The following HNRNPA2B1 variants were observed in gnomAD, a reference collection of about 807,000 sequenced individuals.
HNRNPA2B1 encodes heterogeneous nuclear ribonucleoprotein A2/B1.
A neutral mutation model predicts 46.3 loss-of-function variants in HNRNPA2B1; 3 were observed. The ratio of observed to expected loss-of-function variants is 0.06; its 90% CI spans 0.03 to 0.17. HNRNPA2B1 has a LOEUF of 0.17. Ranked by LOEUF, HNRNPA2B1 falls within the 10% of genes least tolerant of loss-of-function variation. HNRNPA2B1 has a pLI of 1.00. For synonymous variants in HNRNPA2B1, 225 were observed against 133.8 expected (o/e 1.68, Z -4.70); for missense variants, 221 against 418.9 (o/e 0.53, Z 4.12).
At chr7:26,194,264 C>T (rs983251263) in intron 7 of HNRNPA2B1, among the ~76,000 whole-genome samples, 1 of 152,026 alleles carries the variant, frequency 6.6e-6, no homozygotes, top group Non-Finnish European at 1.5e-5. Flanking sequence ...GACATGGTGG[C>T]AGCAACCTGT....
chr7:26,194,321 G>A (rs902898459), intron 7 of HNRNPA2B1, among the ~76,000 whole-genome samples: 10 of 151,868 alleles, frequency 6.6e-5, no homozygotes, highest in African/African-American at 2.2e-4. Flanking sequence ...GCGTGAACCC[G>A]GGAGGCAGAG....
rs1489912120 is a variant in HNRNPA2B1 at position 26,197,309 on chromosome 7, G to C, written c.264+6C>G. The C allele has an allele frequency of 1.9e-6, 3 of 1,604,456 alleles. No homozygotes were observed. The highest frequency in any genetic ancestry group is 1.3e-5 in the African/African-American group (1 of 74,528). ...TTAATGCACAAGACAGTCATTGTTTGCTTACCTCTCTTGCTACAGCACGTT... is the reference window on the plus strand; with the variant it reads ...TTAATGCACAAGACAGTCATTGTTTCCTTACCTCTCTTGCTACAGCACGTT... On this transcript the variant is annotated splice_donor_region_variant and intron_variant, in intron 3 of 10. Coordinates refer to ENST00000618183, the MANE Select transcript of HNRNPA2B1 (RefSeq NM_002137.4).
intron 5 of HNRNPA2B1, 32 bp downstream of exon 5, chr7:26,196,525 C>CA: frequency 6.2e-7 from 1 of 1,612,370 alleles, no homozygotes; most frequent in African/African-American, 1.3e-5. Context: ...TATATATGAA[C>CA]AAAAATAAAG....
At chr7:26,193,171 TATG>T in intron 9 of HNRNPA2B1, 77 bp downstream of exon 9, 1 of 1,369,108 alleles carries the variant, frequency 7.3e-7, no homozygotes, top group Non-Finnish European at 1.0e-6. Context: ...AACTACTTAG[TATG>T]TTATCTTCCC....
intron 1 of HNRNPA2B1, 123 bp downstream of exon 1, chr7:26,200,448 CA>C (rs1381660689): frequency 2.2e-6 from 2 of 930,172 alleles, no homozygotes; most frequent in East Asian, 4.8e-5. Context: ...CCTTAAGCCC[CA>C]CTGCTACTGA....
intron 1 of HNRNPA2B1, chr7:26,198,657 T>C (rs1182106488): frequency 1.3e-5 from 2 of 152,270 alleles, no homozygotes; most frequent in East Asian, 1.9e-4. Context: ...CTTTATATGC[T>C]GTACTACACA....
Position 26,195,922 on chromosome 7 carries a change from A to C in HNRNPA2B1, c.659-13T>G. 6.3e-7 allele frequency: 1 copy of C among 1,593,568 alleles called. No homozygotes were observed. Among genetic ancestry groups the C allele is most frequent in the Non-Finnish European group, 8.5e-7 (1 of 1,172,972 alleles). On this transcript the variant is annotated splice_polypyrimidine_tract_variant and intron_variant, in intron 6 of 10. Coordinates refer to ENST00000618183, the MANE Select transcript of HNRNPA2B1 (RefSeq NM_002137.4). Reference sequence around the variant, plus strand: ...CTGCCATATCCATCTGTTAGGGGCCAAAAAAAGATTACGTTTACTATAAAC... The same window carrying C: ...CTGCCATATCCATCTGTTAGGGGCCCAAAAAAGATTACGTTTACTATAAAC...
chr7:26,194,710 C>G (rs1169208118), intron 7 of HNRNPA2B1, among the ~76,000 whole-genome samples: 1 of 151,624 alleles, frequency 6.6e-6, no homozygotes, highest in African/African-American at 2.4e-5. Flanking sequence ...AAAAACAGAC[C>G]CAACACTCCA....
intron 1 of HNRNPA2B1, 69 bp from the exon 2 acceptor site, chr7:26,197,801 T>C: frequency 6.2e-7 from 1 of 1,604,200 alleles, no homozygotes; most frequent in East Asian, 2.2e-5. Context: ...ATTAAATTCT[T>C]AAATATGAGG....
At chr7:26,193,212 A>C in intron 9 of HNRNPA2B1, 39 bp downstream of exon 9, 2 of 1,592,972 alleles carry the variant, frequency 1.3e-6, no homozygotes, top group Non-Finnish European at 1.7e-6. Flanking sequence ...TAATCCTTTA[A>C]TCACAAAAAT....
In HNRNPA2B1 at chr7:26,192,307, G is replaced by T; in HGVS notation, c.*53C>A. ...CCTGAAGCTGTTCTGTTACCTCTGG[G>T]CTCTCATCCTCTCCTATTTATACAG... is the stretch of plus-strand genomic sequence containing the variant. On this transcript the variant is annotated 3_prime_UTR_variant, in exon 11 of 11. Coordinates refer to ENST00000618183, the MANE Select transcript of HNRNPA2B1 (RefSeq NM_002137.4). 1.8e-6 allele frequency: 1 copy of T among 548,852 alleles called. No individual in the cohort carries two copies. The highest frequency in any genetic ancestry group is 3.2e-5 in the Admixed American group (1 of 31,174). The allele number at this position is 548,852 out of a possible 1,614,324, so 34.0% of individuals were successfully genotyped here.
At chr7:26,200,092 AAG>A (rs1320421751) in intron 1 of HNRNPA2B1, 15 of 177,738 alleles carry the variant, frequency 8.4e-5, no homozygotes, top group South Asian at 2.0e-4. Context: ...AAGAAAATAA[AAG>A]AGTTATAAGG....
rs991725311 is a variant in HNRNPA2B1, at chr7:26,197,021, A to C, written c.265-4T>G. ...GAGCCCCTGGTTTTCCAGATTCCTA[A>C]AATAGTGGTGGGGTAAAAGTCATCC... is the stretch of plus-strand genomic sequence containing the variant. On this transcript the variant is annotated splice_polypyrimidine_tract_variant and splice_region_variant and intron_variant, in intron 3 of 10. Transcript: ENST00000618183. The C allele has an allele frequency of 1.9e-6, 3 of 1,607,688 alleles. No homozygotes were observed. Among genetic ancestry groups the C allele is most frequent in the Non-Finnish European group, 2.5e-6 (3 of 1,176,614 alleles).
chr7:26,193,149 GC>G, intron 9 of HNRNPA2B1, 101 bp downstream of exon 9: 1 of 1,150,218 alleles, frequency 8.7e-7, no homozygotes, highest in Non-Finnish European at 1.2e-6. Context: ...ATGGAGCACT[GC>G]CCACAGTACA....
Position 26,200,478 on chromosome 7 carries a change from C to T in HNRNPA2B1, c.6+94G>A, listed in dbSNP as rs1484482344. The T allele has an allele frequency of 8.6e-6, 11 of 1,281,392 alleles. No homozygotes were observed. The South Asian group carries it at 1.1e-4, about 12-fold the overall frequency. The allele number at this position is 1,281,392 out of a possible 1,614,324, so 79.4% of individuals were successfully genotyped here. A position where few individuals can be genotyped will look rare whatever the true frequency, so the allele number is the denominator to read the frequency against. ...CTACTGAATTGGTCCGATTTCCTGC[C>T]TCTCTCCCACGGAGGCGGCTGGCCG... On this transcript the variant is annotated intron_variant, in intron 1 of 10. Coordinates refer to ENST00000618183, the MANE Select transcript of HNRNPA2B1 (RefSeq NM_002137.4).
At chr7:26,198,111 T>C (rs1356598615) in intron 1 of HNRNPA2B1, 3 of 358,840 alleles carry the variant, frequency 8.4e-6, no homozygotes, top group Non-Finnish European at 1.5e-5. Context: ...ACCAAAAATT[T>C]CAACCCTACA....
At chr7:26,197,163 A>C in intron 3 of HNRNPA2B1, 146 bp from the exon 4 acceptor site, 1 of 1,172,102 alleles carries the variant, frequency 8.5e-7, no homozygotes. Flanking sequence ...GCTTTTGAAA[A>C]ATAAGCTAGC....
chr7:26,200,453 C>G, intron 1 of HNRNPA2B1, 119 bp downstream of exon 1: 1 of 987,996 alleles, frequency 1.0e-6, no homozygotes, highest in Admixed American at 1.7e-5. Context: ...AGCCCCACTG[C>G]TACTGAATTG....
At chr7:26,196,230 C>A (rs1426977971) in intron 6 of HNRNPA2B1, among the ~76,000 whole-genome samples, 171 bp downstream of exon 6, 1 of 152,174 alleles carries the variant, frequency 6.6e-6, no homozygotes, top group African/African-American at 2.4e-5. Flanking sequence ...ATTAATACAA[C>A]TCTATTAACT....
Sources: gnomAD v4.1 joint callset for allele counts (sites outside exome capture counted in the v4.1 genomes callset) on GRCh38, gnomAD v4.1.1 for gene constraint, MANE v1.5 for transcripts, NCBI Gene and HGNC (gene_info 2026-07-23, HGNC 2026-07-21) for gene names.